LCORL: variants seen among roughly 807,000 people sequenced by gnomAD.
The protein encoded by LCORL is ligand dependent nuclear receptor corepressor like.
In LCORL, 41 loss-of-function variants were observed where a neutral mutation model predicts 141.8. The observed-to-expected ratio is 0.29, with a 90% CI of 0.23 to 0.38. LCORL has a LOEUF of 0.38. LCORL is among the 10% of genes least tolerant of loss of function. The pLI is 1.00. For synonymous variants in LCORL, 618 were observed against 694.1 expected (o/e 0.89, Z 1.72); for missense variants, 1,759 against 2,035.0 (o/e 0.86, Z 2.61).
At chr4:18,020,007 A>G (rs1372730574) in intron 1 of LCORL, among the ~76,000 whole-genome samples, 1 of 152,226 alleles carries the variant, frequency 6.6e-6, no homozygotes, top group Non-Finnish European at 1.5e-5. Context: ...ACTTGACTAA[A>G]GCTATTTCTC....
intron 4 of LCORL, among the ~76,000 whole-genome samples, chr4:17,915,018 C>T (rs1187716074): frequency 6.6e-6 from 1 of 152,154 alleles, no homozygotes; most frequent in African/African-American, 2.4e-5. Context: ...AGTTTTCATA[C>T]TGGACACTGA....
chr4:17,937,584 TAC>T (rs1737074743), intron 4 of LCORL, among the ~76,000 whole-genome samples: 2 of 152,298 alleles, frequency 1.3e-5, no homozygotes, highest in South Asian at 2.1e-4. Context: ...TGAAAAACCT[TAC>T]AGACTTAGAT....
chr4:18,008,519 T>C (rs528073827), intron 1 of LCORL, among the ~76,000 whole-genome samples: 50 of 152,352 alleles, frequency 3.3e-4, no homozygotes, highest in Non-Finnish European at 6.6e-4. Context: ...TGACCTGGTA[T>C]AGTGGTTAAG....
At chr4:17,910,700 C>T (rs1436964705) in intron 4 of LCORL, among the ~76,000 whole-genome samples, 2 of 152,170 alleles carry the variant, frequency 1.3e-5, no homozygotes, top group Admixed American at 1.3e-4. Flanking sequence ...AACCCACTCT[C>T]ACCACAACTA....
At chr4:17,865,128 C>G (rs988001450) in intron 7 of LCORL, among the ~76,000 whole-genome samples, 1 of 152,138 alleles carries the variant, frequency 6.6e-6, no homozygotes, top group African/African-American at 2.4e-5. Context: ...AAATCTTGAA[C>G]AGCACTAGCA....
At chr4:18,006,446 AT>A (rs1722823397) in intron 1 of LCORL, among the ~76,000 whole-genome samples, 1 of 152,014 alleles carries the variant, frequency 6.6e-6, no homozygotes, top group Non-Finnish European at 1.5e-5. Flanking sequence ...ATTTTCAGGT[AT>A]TTTTTCAGCA....
chr4:17,890,846 G>C (rs1728969775), intron 5 of LCORL, among the ~76,000 whole-genome samples: 2 of 152,116 alleles, frequency 1.3e-5, no homozygotes, highest in Admixed American at 1.3e-4. Flanking sequence ...TTAAAATTCA[G>C]ATTTCAATTT....
At chr4:17,997,315 T>C (rs1721070523) in intron 1 of LCORL, among the ~76,000 whole-genome samples, 1 of 152,194 alleles carries the variant, frequency 6.6e-6, no homozygotes, top group Non-Finnish European at 1.5e-5. Flanking sequence ...ATTACATTTA[T>C]GATTTGAGAA....
At chr4:17,954,773 C>T (rs1449784563) in intron 4 of LCORL, among the ~76,000 whole-genome samples, 1 of 152,060 alleles carries the variant, frequency 6.6e-6, no homozygotes, top group Admixed American at 6.5e-5. Context: ...ACTGAGAAAC[C>T]AAAGAAGGCT....
intron 4 of LCORL, among the ~76,000 whole-genome samples, chr4:17,950,057 G>T (rs1739475787): frequency 6.6e-6 from 1 of 152,016 alleles, no homozygotes; most frequent in Non-Finnish European, 1.5e-5. Context: ...AACATCAAGA[G>T]GTCAAAGATA....
chr4:17,956,804 C>A (rs1712740798), intron 4 of LCORL, among the ~76,000 whole-genome samples: 1 of 151,896 alleles, frequency 6.6e-6, no homozygotes, highest in African/African-American at 2.4e-5. Flanking sequence ...ATGTTCTCAA[C>A]ACAAAAATAA....
chr4:18,004,958 T>C (rs1722555202), intron 1 of LCORL, among the ~76,000 whole-genome samples: 1 of 151,944 alleles, frequency 6.6e-6, no homozygotes, highest in Admixed American at 6.5e-5. Flanking sequence ...GTTCCACTCT[T>C]GTTGCCCAGA....
intron 7 of LCORL, among the ~76,000 whole-genome samples, chr4:17,850,773 A>G (rs1233912807): frequency 2.6e-5 from 4 of 151,976 alleles, no homozygotes; most frequent in Non-Finnish European, 4.4e-5. Flanking sequence ...CCATCCCATT[A>G]CTGGATATAT....
At chr4:17,875,394 G>A (rs1726811986) in exon 7 of LCORL, 1 of 1,231,222 alleles carries the variant, frequency 8.1e-7, no homozygotes, top group Non-Finnish European at 1.0e-6. Flanking sequence ...GCTTGCTACA[G>A]CACTTATTCT....
chr4:17,984,236 T>G (rs1718535800), intron 1 of LCORL, among the ~76,000 whole-genome samples: 1 of 152,130 alleles, frequency 6.6e-6, no homozygotes, highest in Non-Finnish European at 1.5e-5. Flanking sequence ...TCTCTTTTAT[T>G]GTTGTGTCTC....
At position 17,923,097 on chromosome 4, in the gene LCORL, T is replaced by A. The variant is rs1212827327; in HGVS notation, c.431-13752A>T. ...CCTAGAGGTGAAGTTCAAAGTGTGA[T>A]CCATGATGAGGTGTGCTACACTCCA... is the stretch of plus-strand genomic sequence containing the variant. On this transcript the variant is annotated intron_variant, in intron 4 of 7. Coordinates refer to ENST00000635767, the Ensembl canonical transcript of LCORL. Among the ~76,000 whole-genome samples the A allele has an allele frequency of 5.9e-5, 9 of 152,190 alleles. No homozygotes were observed. In the East Asian group the frequency reaches 1.7e-3, roughly 29 times the overall value.
chr4:17,961,982 T>C (rs1023457991), exon 4 of LCORL: 23 of 1,609,360 alleles, frequency 1.4e-5, no homozygotes, highest in South Asian at 5.5e-5. Context: ...CCTGAGATGA[T>C]AGCTCCTCTG....
At chr4:17,973,080 A>G (rs990941750) in intron 1 of LCORL, among the ~76,000 whole-genome samples, 195 bp from the exon 2 acceptor site, 4 of 151,872 alleles carry the variant, frequency 2.6e-5, no homozygotes, top group Non-Finnish European at 5.9e-5. Flanking sequence ...ACATGACTGT[A>G]AAGAAATTAA....
Position 17,884,328 on chromosome 4 carries a change from G to A in LCORL, c.776+1740C>T. ...GTAGGATTTGAAGTTTCATATTGGA[G>A]GCTTTCATTTTTTTCTTTAAACTGA... On this transcript the variant is annotated intron_variant, in intron 6 of 7. Coordinates refer to ENST00000635767, the Ensembl canonical transcript of LCORL. This position sits in a 1 kb window ranked among gnomAD's most constrained non-coding sequence, Gnocchi z 4.4. 1 of 1,547,588 alleles carries A rather than the reference G, an allele frequency of 6.5e-7. No homozygotes were observed. Among genetic ancestry groups the A allele is most frequent in the African/African-American group, 1.4e-5 (1 of 72,604 alleles).
Sources: gnomAD v4.1 joint callset for allele counts (sites outside exome capture counted in the v4.1 genomes callset) on GRCh38, gnomAD v4.1.1 for gene constraint, Gnocchi (gnomAD v3.1) non-coding constraint, MANE v1.5 for transcripts, NCBI Gene and HGNC (gene_info 2026-07-23, HGNC 2026-07-21) for gene names.